LHPP: variants seen among roughly 807,000 people sequenced by gnomAD.
LHPP encodes phospholysine phosphohistidine inorganic pyrophosphate phosphatase.
LHPP carries 24 observed loss-of-function variants against 30.3 expected under a neutral mutation model. The ratio of observed to expected loss-of-function variants is 0.79; its 90% CI spans 0.57 to 1.11. The LOEUF is 1.11. Ranked by LOEUF, LHPP falls within the 50% of genes most tolerant of loss-of-function variation. The probability of loss-of-function intolerance (pLI) is 0.00; values close to 1 mark genes in which losing one functional copy is unlikely to be tolerated. For missense variants in LHPP, 356 were observed against 367.2 expected, an observed-to-expected ratio of 0.97 and a Z score of 0.25; for synonymous variants, 150 against 157.1, an observed-to-expected ratio of 0.95 and a Z score of 0.34.
In LHPP at chr10:124,479,508, A is replaced by G. The variant is rs74683169; in HGVS notation, c.126-4631A>G. ...CAAGTGCCATTGACTGGGGACTTCA[A>G]CAGCAGACGTTTATTTTTTCACAGT... On this transcript the variant is annotated intron_variant, in intron 1 of 6. Transcript: ENST00000368842. Among the ~76,000 whole-genome samples, 44 of 152,306 alleles carry G rather than the reference A, an allele frequency of 2.9e-4. 1 individual carries two copies. In the East Asian group the frequency reaches 8.3e-3, roughly 29 times the overall value.
chr10:124,561,419 CT>C (rs1452165214), intron 6 of LHPP, among the ~76,000 whole-genome samples: 1 of 152,078 alleles, frequency 6.6e-6, no homozygotes, highest in African/African-American at 2.4e-5. Context: ...TAAGCCTGTG[CT>C]TCCCCTAGTC....
At chr10:124,525,046 C>A (rs576925524) in intron 6 of LHPP, among the ~76,000 whole-genome samples, 1 of 152,234 alleles carries the variant, frequency 6.6e-6, no homozygotes, top group Non-Finnish European at 1.5e-5. Flanking sequence ...CCCGCCTTGC[C>A]GTGGGCACAG....
chr10:124,535,444 C>T (rs754090593), intron 6 of LHPP, among the ~76,000 whole-genome samples: 2 of 152,210 alleles, frequency 1.3e-5, no homozygotes, highest in East Asian at 1.9e-4. Flanking sequence ...CTCTGTCACC[C>T]AGGCTGGAGT....
intron 6 of LHPP, among the ~76,000 whole-genome samples, chr10:124,588,828 C>T (rs1156921718): frequency 6.6e-6 from 1 of 152,202 alleles, no homozygotes; most frequent in East Asian, 1.9e-4. Context: ...CTCTGACAGT[C>T]AGGTCCAGGG....
chr10:124,490,637 C>T, intron 3 of LHPP: 1 of 206,348 alleles, frequency 4.8e-6, no homozygotes, highest in South Asian at 8.3e-5. Flanking sequence ...TCTAACTGAT[C>T]TCTGCTGATG....
At chr10:124,495,501 G>A (rs1029035520) in intron 3 of LHPP, among the ~76,000 whole-genome samples, 5 of 152,204 alleles carry the variant, frequency 3.3e-5, no homozygotes, top group Admixed American at 1.3e-4. Flanking sequence ...AGGGGTGAGC[G>A]GTTCATCTCA....
intron 6 of LHPP, among the ~76,000 whole-genome samples, chr10:124,532,197 T>C (rs1954916230): frequency 6.6e-6 from 1 of 152,252 alleles, no homozygotes; most frequent in African/African-American, 2.4e-5. Context: ...TTGTTCAGTC[T>C]TTGCTTCAGC....
chr10:124,585,736 G>A (rs1311091017), intron 6 of LHPP, among the ~76,000 whole-genome samples: 1 of 152,070 alleles, frequency 6.6e-6, no homozygotes, highest in East Asian at 1.9e-4. Flanking sequence ...GCAGCAAGCA[G>A]GGACCGAGCA....
chr10:124,543,578 TGAG>T (rs34939663), intron 6 of LHPP, among the ~76,000 whole-genome samples: 26,746 of 152,092 alleles, frequency 0.18, 3,991 homozygotes, highest in African/African-American at 0.41. Flanking sequence ...CCACTAGCCG[TGAG>T]GAGTTCAGCT....
chr10:124,524,765 C>T (rs918514899), intron 6 of LHPP, among the ~76,000 whole-genome samples: 1 of 152,068 alleles, frequency 6.6e-6, no homozygotes, highest in Non-Finnish European at 1.5e-5. Flanking sequence ...CCAGGAGGTC[C>T]ACGAGGCTGC....
intron 3 of LHPP, 38 bp downstream of exon 3, chr10:124,488,613 T>C (rs1311748589): frequency 6.4e-7 from 1 of 1,574,762 alleles, no homozygotes; most frequent in Non-Finnish European, 8.6e-7. Flanking sequence ...CTCGGTGCTT[T>C]AGATGATGCT....
intron 6 of LHPP, among the ~76,000 whole-genome samples, chr10:124,612,256 A>G (rs1949212025): frequency 6.6e-6 from 1 of 152,084 alleles, no homozygotes; most frequent in Non-Finnish European, 1.5e-5. Context: ...AAAATACAAA[A>G]AAAGCCGGGC....
chr10:124,554,051 G>A (rs1948241722), intron 6 of LHPP: 3 of 985,372 alleles, frequency 3.0e-6, no homozygotes, highest in Non-Finnish European at 3.6e-6. Flanking sequence ...AAGGCCTCGA[G>A]CCTGTAGTTG....
intron 6 of LHPP, among the ~76,000 whole-genome samples, chr10:124,534,249 G>A (rs1002899770): frequency 1.6e-4 from 25 of 152,390 alleles, no homozygotes; most frequent in African/African-American, 4.8e-4. Flanking sequence ...TGGCATGGCC[G>A]TCTTTCCTCC....
At chr10:124,537,604 C>G (rs10901755) in intron 6 of LHPP, among the ~76,000 whole-genome samples, 31,669 of 152,006 alleles carry the variant, frequency 0.21, 3,790 homozygotes, top group African/African-American at 0.33. Flanking sequence ...GGACCGTGCT[C>G]GTGAGAGATG....
At chr10:124,503,112 C>T (rs1034020058) in intron 5 of LHPP, among the ~76,000 whole-genome samples, 4 of 151,588 alleles carry the variant, frequency 2.6e-5, no homozygotes, top group Non-Finnish European at 5.9e-5. Flanking sequence ...TCCTGTTGCC[C>T]AGGCTGGAGT....
At chr10:124,506,938 G>T (rs1261302914) in intron 5 of LHPP, among the ~76,000 whole-genome samples, 8 of 21,902 alleles carry the variant, frequency 3.7e-4, no homozygotes, top group East Asian at 2.7e-3. Context: ...GATTTCAGGT[G>T]GGGGGGTAGG....
intron 6 of LHPP, among the ~76,000 whole-genome samples, chr10:124,526,607 C>T (rs1954744474): frequency 6.6e-6 from 1 of 152,200 alleles, no homozygotes; most frequent in African/African-American, 2.4e-5. Context: ...CAGCTCCCGC[C>T]CTCCCCCGCT....
chr10:124,579,088 G>T (rs1948711645), intron 6 of LHPP, among the ~76,000 whole-genome samples: 1 of 152,224 alleles, frequency 6.6e-6, no homozygotes, highest in Non-Finnish European at 1.5e-5. Context: ...GGTCTTCCCG[G>T]TTACCAGCAA....
Sources: allele counts gnomAD v4.1 joint callset (sites outside exome capture counted in the v4.1 genomes callset), GRCh38; gene constraint gnomAD v4.1.1; transcripts MANE v1.5; gene names NCBI Gene and HGNC (gene_info 2026-07-23, HGNC 2026-07-21).